Variants in WDR20 observed in about 807,000 individuals in gnomAD.
WDR20 encodes the protein WD repeat-containing protein 20.
WDR20 carries 3 observed loss-of-function variants against 38.7 expected under a neutral mutation model. The observed-to-expected ratio is 0.08, with a 90% confidence interval of 0.04 to 0.20. WDR20 has a LOEUF of 0.20. Ranked by LOEUF, WDR20 falls within the 10% of genes least tolerant of loss-of-function variation. The probability of loss-of-function intolerance (pLI) is 1.00; values close to 1 mark genes in which losing one functional copy is unlikely to be tolerated. For missense variants in WDR20, 559 were observed against 727.7 expected, an observed-to-expected ratio of 0.77 and a Z score of 2.67; for synonymous variants, 298 against 285.6, an observed-to-expected ratio of 1.04 and a Z score of -0.44.
At position 102,194,954 on chromosome 14, in the gene WDR20, A is replaced by G; in HGVS notation, c.266A>G (p.Lys89Arg). ...KGVRKAADLSKPIDKRIYKGT... is the reference protein window; with the variant it reads ...KGVRKAADLSRPIDKRIYKGT... ...CTCCTCCAGGCTGCTGACTTGAGTA[A>G]ACCAATAGATAAAAGGATATACAAA... is the stretch of plus-strand genomic sequence containing the variant. The change falls in exon 2 of 3, where the codon AAA (lysine) becomes AGA (arginine). Residue 89 changes from lysine (K) to arginine (R), a missense_variant. Transcript: ENST00000342702. 6.2e-7 allele frequency: 1 copy of G among 1,614,156 alleles called. No individual in the cohort carries two copies. The highest frequency in any genetic ancestry group is 8.5e-7 in the Non-Finnish European group (1 of 1,180,026).
At chr14:102,213,904 G>T (rs2062873492), downstream of WDR20, 2 of 985,450 alleles carry the variant, frequency 2.0e-6, no homozygotes, top group Non-Finnish European at 2.4e-6. Context: ...GTGTCTGACT[G>T]CCCACGGAAG....
chr14:102,148,669 TTGTGTGTGTGTGTGTGTGTG>T (rs10525828), intron 1 of WDR20, among the ~76,000 whole-genome samples: 8 of 144,836 alleles, frequency 5.5e-5, no homozygotes, highest in Admixed American at 2.7e-4. Context: ...GAGTTTGGCT[TTGTGTGTGTGTGTGTGTGTG>T]TGTGTGTGTG....
downstream of WDR20, chr14:102,212,931 A>G: frequency 9.3e-7 from 1 of 1,079,012 alleles, no homozygotes; most frequent in Non-Finnish European, 1.1e-6. Flanking sequence ...CTCAGTCAGC[A>G]TCACTGTTCC....
intron 2 of WDR20, among the ~76,000 whole-genome samples, chr14:102,201,929 G>A (rs2152977161): frequency 6.6e-6 from 1 of 151,718 alleles, no homozygotes; most frequent in East Asian, 1.9e-4. Flanking sequence ...GTGTACCCCT[G>A]CCCTGGAGGG....
downstream of WDR20, among the ~76,000 whole-genome samples, chr14:102,217,657 TAG>T (rs1172632408): frequency 6.6e-6 from 1 of 152,256 alleles, no homozygotes; most frequent in Non-Finnish European, 1.5e-5. Flanking sequence ...TTGTGTGATG[TAG>T]AGACTGGCTT....
At chr14:102,200,491 G>T (rs1217416536) in intron 2 of WDR20, among the ~76,000 whole-genome samples, 16 of 135,534 alleles carry the variant, frequency 1.2e-4, no homozygotes, top group African/African-American at 2.2e-4. Context: ...GTGTGTGTGT[G>T]TGTGTGTGTG....
At chr14:102,168,044 A>G (rs187998290) in intron 1 of WDR20, among the ~76,000 whole-genome samples, 9 of 152,318 alleles carry the variant, frequency 5.9e-5, no homozygotes, top group Admixed American at 5.2e-4. Context: ...GTGACATGAT[A>G]TATTTAAAGA....
chr14:102,213,601 C>T (rs1393414703), downstream of WDR20: 5 of 985,258 alleles, frequency 5.1e-6, no homozygotes, highest in South Asian at 4.7e-5. Context: ...ACCGTCCGGG[C>T]GGGGCCCAGG....
intron 1 of WDR20, among the ~76,000 whole-genome samples, chr14:102,156,852 G>A (rs1048666560): frequency 2.0e-5 from 3 of 152,192 alleles, no homozygotes; most frequent in African/African-American, 7.2e-5. Flanking sequence ...CTAGCTGGGC[G>A]TGGTAACAGG....
intron 1 of WDR20, among the ~76,000 whole-genome samples, chr14:102,175,178 G>A (rs918022789): frequency 6.6e-6 from 1 of 152,136 alleles, no homozygotes; most frequent in African/African-American, 2.4e-5. Context: ...AATTTTTATG[G>A]TTTCAGGTTA....
intron 2 of WDR20, among the ~76,000 whole-genome samples, chr14:102,205,367 C>T (rs1225943798): frequency 6.6e-6 from 1 of 152,136 alleles, no homozygotes; most frequent in Non-Finnish European, 1.5e-5. Context: ...TCATATTTGC[C>T]TTGTACATGC....
chr14:102,142,474 G>A (rs1315283520), intron 1 of WDR20, among the ~76,000 whole-genome samples: 1 of 152,032 alleles, frequency 6.6e-6, no homozygotes, highest in African/African-American at 2.4e-5. Flanking sequence ...TGTTTTTAGA[G>A]ACAGGATCTC....
At chr14:102,166,910 T>C (rs999288176) in intron 1 of WDR20, among the ~76,000 whole-genome samples, 2 of 152,224 alleles carry the variant, frequency 1.3e-5, no homozygotes, top group East Asian at 3.8e-4. Flanking sequence ...ACCTGGGCAC[T>C]GTACAGCCTC....
At chr14:102,199,429 A>C (rs1218572024) in intron 2 of WDR20, among the ~76,000 whole-genome samples, 1 of 152,004 alleles carries the variant, frequency 6.6e-6, no homozygotes, top group Non-Finnish European at 1.5e-5. Context: ...GTGGGAGGTG[A>C]GATACCAACC....
At chr14:102,148,597 A>G (rs1194643699) in intron 1 of WDR20, among the ~76,000 whole-genome samples, 1 of 151,718 alleles carries the variant, frequency 6.6e-6, no homozygotes, top group Non-Finnish European at 1.5e-5. Flanking sequence ...TGACTGGTAT[A>G]TACAAGGCAC....
At chr14:102,171,698 G>A (rs1024528630) in intron 1 of WDR20, among the ~76,000 whole-genome samples, 1 of 151,524 alleles carries the variant, frequency 6.6e-6, no homozygotes, top group African/African-American at 2.4e-5. Flanking sequence ...CTTATCTTTC[G>A]TTGACTTAAA....
Position 102,209,271 on chromosome 14 carries a change from T to C in WDR20, c.1101T>C (p.Tyr367=). The C allele has an allele frequency of 6.2e-7, 1 of 1,614,174 alleles. No homozygotes were observed. The highest frequency in any genetic ancestry group is 1.3e-5 in the African/African-American group (1 of 75,034). The change falls in exon 3 of 3, where the codon TAT becomes TAC. Residue 367 remains tyrosine, a synonymous_variant. Coordinates refer to ENST00000342702, the MANE Select transcript of WDR20 (RefSeq NM_144574.4). This position sits in a 1 kb window ranked among gnomAD's most constrained non-coding sequence, Gnocchi z 6.0. ...ACAGCCGCCCCGTAAGTGTCACGTATCGGTTTGGTTCCGTGGGCCAGGACA... is the reference window on the plus strand; with the variant it reads ...ACAGCCGCCCCGTAAGTGTCACGTACCGGTTTGGTTCCGTGGGCCAGGACA... The part of the protein sequence containing the change: ...STDSRPVSVT[Y]RFGSVGQDTQ...
chr14:102,161,142 A>ATATATATATATATATATATTTTTT, intron 1 of WDR20, among the ~76,000 whole-genome samples: 2 of 16,048 alleles, frequency 1.2e-4, no homozygotes, highest in African/African-American at 6.4e-4. Flanking sequence ...ATATATATAT[A>ATATATATATATATATATATTTTTT]TTTTTTTTTT....
At chr14:102,189,961 C>T (rs1022097244) in intron 1 of WDR20, among the ~76,000 whole-genome samples, 2 of 152,120 alleles carry the variant, frequency 1.3e-5, no homozygotes, top group Non-Finnish European at 2.9e-5. Context: ...GGCGGTGGGA[C>T]GTGAACTGAC....
Sources: allele counts gnomAD v4.1 joint callset (sites outside exome capture counted in the v4.1 genomes callset), GRCh38; gene constraint gnomAD v4.1.1; non-coding constraint Gnocchi (gnomAD v3.1); transcripts MANE v1.5; gene names NCBI Gene and HGNC (gene_info 2026-07-23, HGNC 2026-07-21).